HSDL2: variants seen among roughly 807,000 people sequenced by gnomAD.
The protein encoded by HSDL2 is hydroxysteroid dehydrogenase-like protein 2.
In HSDL2, 27 loss-of-function variants were observed where a neutral mutation model predicts 46.3. The observed-to-expected ratio is 0.58, with a 90% confidence interval of 0.43 to 0.80. The LOEUF (loss-of-function observed/expected upper bound fraction) is 0.80, where lower values mean the gene tolerates loss of function less well. HSDL2 is among the 30% of genes least tolerant of loss of function. The pLI is 0.00. For synonymous variants in HSDL2, 153 were observed against 163.6 expected (o/e 0.94, Z 0.50); for missense variants, 451 against 502.7 (o/e 0.90, Z 0.98).
intron 3 of HSDL2, among the ~76,000 whole-genome samples, chr9:112,408,488 A>G (rs1365064799): frequency 6.6e-6 from 1 of 152,216 alleles, no homozygotes; most frequent in Non-Finnish European, 1.5e-5. Flanking sequence ...GCATTGCTTA[A>G]TGATGGGGAT....
chr9:112,389,900 A>C (rs1831301185), intron 1 of HSDL2, among the ~76,000 whole-genome samples: 1 of 152,082 alleles, frequency 6.6e-6, no homozygotes, highest in Non-Finnish European at 1.5e-5. Context: ...CCCTGTCTCT[A>C]CTAAAAATAC....
At chr9:112,402,606 C>T (rs183439678) in intron 1 of HSDL2, among the ~76,000 whole-genome samples, 1 of 149,740 alleles carries the variant, frequency 6.7e-6, no homozygotes, top group Admixed American at 6.7e-5. Context: ...GATGGTGAGA[C>T]CCCATCTCCA....
chr9:112,380,299 TG>T, intron 1 of HSDL2, 119 bp downstream of exon 1: 1 of 943,306 alleles, frequency 1.1e-6, no homozygotes, highest in Non-Finnish European at 1.6e-6. Flanking sequence ...GGATACTGCC[TG>T]GGCACGCTCT....
intron 10 of HSDL2, among the ~76,000 whole-genome samples, chr9:112,464,278 TTGAATA>T (rs1833311950): frequency 6.6e-6 from 1 of 151,994 alleles, no homozygotes. Context: ...GAGTTGTCTT[TTGAATA>T]TTGTCAGATT....
intron 1 of HSDL2, among the ~76,000 whole-genome samples, chr9:112,398,631 ACAGAAAACT>A: frequency 6.6e-6 from 1 of 152,188 alleles, no homozygotes; most frequent in Non-Finnish European, 1.5e-5. Context: ...GTCACCAGAC[ACAGAAAACT>A]GTGGTAACTG....
intron 6 of HSDL2, among the ~76,000 whole-genome samples, chr9:112,434,608 A>G (rs1056821962): frequency 1.3e-5 from 2 of 152,120 alleles, no homozygotes. Context: ...CCCTAAGGTA[A>G]TGGTGCGCTG....
At chr9:112,394,831 G>A (rs1387671556) in intron 1 of HSDL2, among the ~76,000 whole-genome samples, 2 of 152,152 alleles carry the variant, frequency 1.3e-5, no homozygotes, top group Non-Finnish European at 2.9e-5. Context: ...TCTTCTCCTG[G>A]TCGAGTGGGG....
chr9:112,396,635 C>T (rs1257084966), intron 1 of HSDL2, among the ~76,000 whole-genome samples: 4 of 152,082 alleles, frequency 2.6e-5, no homozygotes, highest in African/African-American at 9.7e-5. Flanking sequence ...AACCGTGATT[C>T]CTTTAGTAGT....
chr9:112,414,633 C>A (rs1280913243), intron 4 of HSDL2, among the ~76,000 whole-genome samples: 1 of 152,150 alleles, frequency 6.6e-6, no homozygotes, highest in Non-Finnish European at 1.5e-5. Context: ...GAAATGAGCT[C>A]TTTCCTTTGA....
chr9:112,397,412 G>A (rs940241856), intron 1 of HSDL2, among the ~76,000 whole-genome samples: 7 of 152,276 alleles, frequency 4.6e-5, no homozygotes, highest in East Asian at 3.9e-4. Context: ...TACCTTGAGC[G>A]TGCTCATCAG....
At chr9:112,389,236 G>T (rs981949093) in intron 1 of HSDL2, among the ~76,000 whole-genome samples, 1 of 152,092 alleles carries the variant, frequency 6.6e-6, no homozygotes, top group Non-Finnish European at 1.5e-5. Context: ...TGTTGCCCTG[G>T]CTGGTTTCGA....
At chr9:112,463,259 CTTTTT>C (rs59947984) in intron 10 of HSDL2, among the ~76,000 whole-genome samples, 1 of 138,988 alleles carries the variant, frequency 7.2e-6, no homozygotes, top group African/African-American at 2.7e-5. Context: ...TGATATTTAA[CTTTTT>C]TTTTTTTTTT....
At chr9:112,439,741 T>C (rs1411411048) in intron 7 of HSDL2, among the ~76,000 whole-genome samples, 2 of 152,254 alleles carry the variant, frequency 1.3e-5, no homozygotes, top group African/African-American at 4.8e-5. Flanking sequence ...CTATTTAGCC[T>C]GCATAACAAT....
At chr9:112,399,913 A>G (rs1011429003) in intron 1 of HSDL2, among the ~76,000 whole-genome samples, 5 of 152,236 alleles carry the variant, frequency 3.3e-5, no homozygotes, top group Non-Finnish European at 5.9e-5. Flanking sequence ...CAATTATCAC[A>G]GTGGTCCTGA....
chr9:112,402,957 ACACACACACACACAC>A (rs1467692581), intron 1 of HSDL2, among the ~76,000 whole-genome samples: 5 of 150,558 alleles, frequency 3.3e-5, no homozygotes, highest in African/African-American at 4.9e-5. Context: ...AGAAAAAAAA[ACACACACACACACAC>A]AAAACACACA....
intron 1 of HSDL2, among the ~76,000 whole-genome samples, chr9:112,392,060 G>A (rs527798389): frequency 1.3e-5 from 2 of 152,282 alleles, no homozygotes; most frequent in South Asian, 4.1e-4. Context: ...TTTTACAGCT[G>A]GGCCTCCAGG....
intron 8 of HSDL2, among the ~76,000 whole-genome samples, chr9:112,449,808 G>T (rs1181123451): frequency 1.3e-5 from 2 of 151,936 alleles, no homozygotes; most frequent in Non-Finnish European, 2.9e-5. Context: ...ACTCCAGACG[G>T]GGTGACAGAG....
chr9:112,467,316 C>T (rs1833421971), intron 10 of HSDL2, among the ~76,000 whole-genome samples: 1 of 152,162 alleles, frequency 6.6e-6, no homozygotes, highest in Non-Finnish European at 1.5e-5. Context: ...CCAAAGATCA[C>T]ATATTGTAGA....
At chr9:112,467,825 T>C (rs1833438923) in intron 10 of HSDL2, among the ~76,000 whole-genome samples, 1 of 152,204 alleles carries the variant, frequency 6.6e-6, no homozygotes, top group African/African-American at 2.4e-5. Context: ...CTTCATGTTA[T>C]AATCTAGACC....
Sources: gnomAD v4.1 joint callset for allele counts (sites outside exome capture counted in the v4.1 genomes callset) on GRCh38, gnomAD v4.1.1 for gene constraint, MANE v1.5 for transcripts, NCBI Gene and HGNC (gene_info 2026-07-23, HGNC 2026-07-21) for gene names.